GNG7: variants seen among roughly 807,000 people sequenced by gnomAD.
GNG7 encodes G protein subunit gamma 7.
Under a neutral mutation model 4.0 loss-of-function variants are expected in GNG7, and 1 was observed. The ratio of observed to expected loss-of-function variants is 0.25; its 90% confidence interval spans 0.09 to 1.18. The LOEUF is 1.18. Among genes scored for constraint, GNG7 ranks in the 50% most tolerant of loss-of-function variants. The pLI is 0.50. For missense variants in GNG7, 86 were observed against 91.9 expected, an observed-to-expected ratio of 0.94 and a Z score of 0.26; for synonymous variants, 34 against 36.9, an observed-to-expected ratio of 0.92 and a Z score of 0.29.
chr19:2,638,540 GGAGAA>G (rs1568270378), intron 2 of GNG7, among the ~76,000 whole-genome samples: 1 of 22,472 alleles, frequency 4.4e-5, no homozygotes, highest in Non-Finnish European at 1.3e-4. Context: ...AGGGAGGGGA[GGAGAA>G]GGGAAGGGGG....
At chr19:2,551,905 G>A (rs897890004) in intron 3 of GNG7, among the ~76,000 whole-genome samples, 19 of 152,016 alleles carry the variant, frequency 1.2e-4, no homozygotes, top group African/African-American at 4.3e-4. Context: ...GTCTGGTCTC[G>A]AGCTTCTGAC....
intron 1 of GNG7, among the ~76,000 whole-genome samples, chr19:2,678,862 T>G (rs1421052682): frequency 6.6e-6 from 1 of 152,036 alleles, no homozygotes; most frequent in Non-Finnish European, 1.5e-5. Context: ...TCATGCAGCC[T>G]TCGACGATCG....
intron 1 of GNG7, among the ~76,000 whole-genome samples, chr19:2,701,598 C>T (rs745566233): frequency 2.0e-5 from 3 of 150,722 alleles, no homozygotes; most frequent in Non-Finnish European, 4.4e-5. Context: ...TCAATCACAC[C>T]CCCCCATCTT....
intron 3 of GNG7, among the ~76,000 whole-genome samples, chr19:2,531,649 T>C (rs1022537723): frequency 2.0e-4 from 30 of 150,540 alleles, no homozygotes; most frequent in African/African-American, 6.9e-4. Context: ...CAGGCACCTG[T>C]AGTCCCAGCT....
intron 2 of GNG7, chr19:2,643,902 C>G (rs1982588385): frequency 3.2e-6 from 1 of 314,682 alleles, no homozygotes; most frequent in East Asian, 8.0e-5. Flanking sequence ...GTCACCTTTT[C>G]TAGAATTTTC....
At chr19:2,616,709 G>T (rs1981733220) in intron 2 of GNG7, among the ~76,000 whole-genome samples, 1 of 151,868 alleles carries the variant, frequency 6.6e-6, no homozygotes, top group Non-Finnish European at 1.5e-5. Flanking sequence ...GGAGGCAGAG[G>T]TTGCAGGTTG....
At chr19:2,661,274 G>GA (rs1599448592) in intron 1 of GNG7, among the ~76,000 whole-genome samples, 1 of 45,996 alleles carries the variant, frequency 2.2e-5, no homozygotes, top group South Asian at 8.3e-4. Context: ...AGAAAGAAAA[G>GA]AAAGAAAGAA....
intron 1 of GNG7, among the ~76,000 whole-genome samples, chr19:2,658,980 T>TA (rs1370934296): frequency 6.6e-6 from 1 of 151,842 alleles, no homozygotes; most frequent in African/African-American, 2.4e-5. Context: ...TGATTTTTTT[T>TA]TTTTTTTGAA....
chr19:2,625,721 C>T (rs530743511), intron 2 of GNG7, among the ~76,000 whole-genome samples: 48 of 152,258 alleles, frequency 3.2e-4, no homozygotes, highest in African/African-American at 6.3e-4. Context: ...GAGCAGGTAG[C>T]GCCCTCACCG....
chr19:2,567,464 T>C (rs1413781851), intron 2 of GNG7, among the ~76,000 whole-genome samples: 3 of 151,994 alleles, frequency 2.0e-5, no homozygotes, highest in Non-Finnish European at 4.4e-5. Context: ...CAGCTGGGAC[T>C]ACAGGTGCAC....
chr19:2,647,755 C>T (rs948174111), intron 1 of GNG7, among the ~76,000 whole-genome samples: 3 of 151,840 alleles, frequency 2.0e-5, no homozygotes, highest in Non-Finnish European at 2.9e-5. Context: ...GGGCCAGGCA[C>T]GGTGGCTCAC....
chr19:2,541,081 C>T (rs1978946718), intron 3 of GNG7, among the ~76,000 whole-genome samples: 1 of 152,258 alleles, frequency 6.6e-6, no homozygotes, highest in African/African-American at 2.4e-5. Context: ...TACCGAGCGG[C>T]TCCTGGGCCT....
chr19:2,615,248 A>C (rs1599423284), intron 2 of GNG7, among the ~76,000 whole-genome samples: 2 of 142,578 alleles, frequency 1.4e-5, no homozygotes, highest in Non-Finnish European at 1.5e-5. Flanking sequence ...TGCAAACTCC[A>C]CCTCCCAGGT....
intron 2 of GNG7, among the ~76,000 whole-genome samples, chr19:2,639,893 G>A (rs1247867347): frequency 1.6e-5 from 1 of 61,002 alleles, no homozygotes; most frequent in African/African-American, 7.4e-5. Flanking sequence ...GAGGGAGAGA[G>A]GGAAGGAGGG....
Position 2,626,468 on chromosome 19 carries a change from CCGTGCGGCCTCCTCACTCCCTCCCTCTCA to C in GNG7, c.-78+19727_-78+19755del, listed in dbSNP as rs1982024833. 6.6e-6 allele frequency among the ~76,000 whole-genome samples: 1 copy of C among 152,186 alleles called. No homozygotes were observed. ...CCCTCGGGATAAAATGCAGCCTCTG[CCGTGCGGCCTCCTCACTCCCTCCCTCTCA>C]CCTTTTCAAGGTCCTGGAACCATCT... On this transcript the variant is annotated intron_variant, in intron 2 of 4. Transcript: ENST00000382159. The surrounding 1 kb of genome is among the most constrained non-coding windows in gnomAD (Gnocchi z 5.0).
intron 2 of GNG7, among the ~76,000 whole-genome samples, chr19:2,590,492 T>C (rs904499013): frequency 1.3e-5 from 2 of 151,642 alleles, no homozygotes; most frequent in Non-Finnish European, 2.9e-5. Context: ...TGTTCATCCA[T>C]CCATCCATCC....
At chr19:2,538,545 T>C in intron 3 of GNG7, 1 of 352,468 alleles carries the variant, frequency 2.8e-6, no homozygotes, top group South Asian at 2.3e-5. Context: ...GCAGGAAGAC[T>C]GCTTGAGCCC....
At chr19:2,518,856 C>T (rs936891988) in intron 4 of GNG7, among the ~76,000 whole-genome samples, 12 of 151,896 alleles carry the variant, frequency 7.9e-5, no homozygotes, top group Admixed American at 5.9e-4. Flanking sequence ...AGGGCAGTGG[C>T]GCAATCTCAG....
At position 2,609,550 on chromosome 19, in the gene GNG7, G is replaced by A. The variant is rs545683067; in HGVS notation, c.-78+36674C>T. Among the ~76,000 whole-genome samples the A allele has an allele frequency of 3.3e-5, 5 of 152,288 alleles. No homozygotes were observed. In the South Asian group the frequency reaches 8.3e-4, roughly 25 times the overall value. ...TTATTTTGGCCATTGCTGGAATCCC[G>A]TTGTGCAGGACAGCTGGGTGGATTG... On this transcript the variant is annotated intron_variant, in intron 2 of 4. Transcript: ENST00000382159. The surrounding 1 kb of genome is among the most constrained non-coding windows in gnomAD (Gnocchi z 4.4).
Sources: gnomAD v4.1 joint callset for allele counts (sites outside exome capture counted in the v4.1 genomes callset) on GRCh38, gnomAD v4.1.1 for gene constraint, Gnocchi (gnomAD v3.1) non-coding constraint, MANE v1.5 for transcripts, NCBI Gene and HGNC (gene_info 2026-07-23, HGNC 2026-07-21) for gene names.